The following FBN2 variants were observed in gnomAD, a reference collection of about 807,000 sequenced individuals.
The protein encoded by FBN2 is fibrillin 2.
FBN2 carries 105 observed loss-of-function variants against 355.6 expected under a neutral mutation model. The ratio of observed to expected loss-of-function variants is 0.30; its 90% CI spans 0.25 to 0.35. FBN2 has a LOEUF of 0.35. Among genes scored for constraint, FBN2 ranks in the 10% least tolerant of loss-of-function variants. The probability of loss-of-function intolerance (pLI) is 1.00; values close to 1 mark genes in which losing one functional copy is unlikely to be tolerated. For missense variants in FBN2, 3,280 were observed against 3,758.7 expected, an observed-to-expected ratio of 0.87 and a Z score of 3.33; for synonymous variants, 1,350 against 1,301.2, an observed-to-expected ratio of 1.04 and a Z score of -0.81.
intron 20 of FBN2, among the ~76,000 whole-genome samples, chr5:128,351,224 GAAA>G (rs5871304): frequency 2.1e-5 from 3 of 142,976 alleles, no homozygotes; most frequent in Admixed American, 1.4e-4. Context: ...TCCACCAGAG[GAAA>G]AAAAAAAAAA....
At chr5:128,293,483 C>T (rs1436614578) in intron 48 of FBN2, among the ~76,000 whole-genome samples, 3 of 151,538 alleles carry the variant, frequency 2.0e-5, no homozygotes, top group Non-Finnish European at 4.4e-5. Context: ...CAGAGCGAGA[C>T]TCCGTCTCAA....
chr5:128,499,227 A>T (rs567493599), intron 5 of FBN2, among the ~76,000 whole-genome samples: 40 of 152,348 alleles, frequency 2.6e-4, no homozygotes, highest in African/African-American at 9.1e-4. Context: ...ATAATCTAGT[A>T]GTAAATTATA....
intron 5 of FBN2, among the ~76,000 whole-genome samples, chr5:128,468,315 C>T (rs142994001): frequency 1.3e-5 from 2 of 152,260 alleles, no homozygotes; most frequent in East Asian, 3.9e-4. Context: ...TATGGCTGTA[C>T]TACATCTGTT....
chr5:128,419,738 GC>G (rs1753296948), intron 7 of FBN2, among the ~76,000 whole-genome samples: 1 of 152,050 alleles, frequency 6.6e-6, no homozygotes, highest in African/African-American at 2.4e-5. Flanking sequence ...TGTTGCCCGG[GC>G]TGGAGTGCAA....
intron 2 of FBN2, among the ~76,000 whole-genome samples, chr5:128,534,630 C>T (rs1030006068): frequency 1.3e-5 from 2 of 152,164 alleles, no homozygotes; most frequent in South Asian, 4.1e-4. Context: ...TCATAACCAT[C>T]CAAATATTTC....
chr5:128,289,360 G>C, intron 51 of FBN2, 108 bp from the exon 52 acceptor site: 4 of 1,098,904 alleles, frequency 3.6e-6, no homozygotes, highest in Non-Finnish European at 5.5e-6. Flanking sequence ...GAGGTGGGTG[G>C]ATCACCTGAG....
At chr5:128,535,428 C>T (rs1409212134) in intron 2 of FBN2, among the ~76,000 whole-genome samples, 2 of 152,136 alleles carry the variant, frequency 1.3e-5, no homozygotes, top group Non-Finnish European at 2.9e-5. Context: ...ATTATTTTCT[C>T]CCTGGAGAAC....
chr5:128,349,938 A>G lies in FBN2; in HGVS notation c.2863+17T>C, dbSNP rs764809678. 1 of 1,592,818 alleles carries G rather than the reference A, an allele frequency of 6.3e-7. No individual in the cohort carries two copies. On this transcript the variant is annotated intron_variant, in intron 22 of 64. Transcript: ENST00000262464. Reference sequence around the variant, plus strand: ...CTCAAAAGATGTATAGTATCTTCCAAGGAAGGATACACTCACCTTCACACG... The same window carrying G: ...CTCAAAAGATGTATAGTATCTTCCAGGGAAGGATACACTCACCTTCACACG...
Position 128,312,968 on chromosome 5 carries a change from T to C in FBN2, c.4718-173A>G, listed in dbSNP as rs569201615. ...GCTTTTCAGCTTTTTCGAGATTGAGTCAGAGGAAGCCAATCATGGCAGACT... is the reference window on the plus strand; with the variant it reads ...GCTTTTCAGCTTTTTCGAGATTGAGCCAGAGGAAGCCAATCATGGCAGACT... On this transcript the variant is annotated intron_variant, in intron 36 of 64. Transcript: ENST00000262464. Among the ~76,000 whole-genome samples, 27 of 152,282 alleles carry C rather than the reference T, an allele frequency of 1.8e-4. No individual in the cohort carries two copies. In the South Asian group the frequency reaches 5.4e-3, roughly 30 times the overall value.
At chr5:128,272,247 A>G in intron 61 of FBN2, 129 bp from the exon 62 acceptor site, 1 of 1,052,832 alleles carries the variant, frequency 9.5e-7, no homozygotes, top group East Asian at 2.6e-5. Context: ...ACACATAGAG[A>G]GGCTGTCATT....
At position 128,366,108 on chromosome 5, in the gene FBN2, CA is replaced by C. The variant is rs534051581; in HGVS notation, c.2302+268del. Among the ~76,000 whole-genome samples the C allele has an allele frequency of 2.6e-3, 385 of 150,634 alleles. 1 individual carries two copies. The highest frequency in any genetic ancestry group is 4.6e-3 in the Non-Finnish European group (309 of 67,396). On this transcript the variant is annotated intron_variant, in intron 17 of 64. Transcript: ENST00000262464. ...AATGTCACATTATTCTTTTCTTAAG[CA>C]ATGACTGACTGAAATCAGGAGAGTA...
chr5:128,463,220 A>G (rs1424751280), intron 6 of FBN2, among the ~76,000 whole-genome samples: 1 of 152,114 alleles, frequency 6.6e-6, no homozygotes, highest in East Asian at 1.9e-4. Context: ...GTAAAGACAG[A>G]TACAATATAA....
chr5:128,424,517 A>G (rs1390179809), intron 7 of FBN2, among the ~76,000 whole-genome samples: 1 of 152,162 alleles, frequency 6.6e-6, no homozygotes, highest in African/African-American at 2.4e-5. Flanking sequence ...CTGTCACATT[A>G]TATCATTATT....
intron 8 of FBN2, among the ~76,000 whole-genome samples, chr5:128,405,294 G>T (rs564282259): frequency 6.6e-6 from 1 of 152,120 alleles, no homozygotes; most frequent in African/African-American, 2.4e-5. Flanking sequence ...TCGGGCAGAG[G>T]GGGTACTGCT....
At chr5:128,429,514 A>G (rs1753566626) in intron 7 of FBN2, among the ~76,000 whole-genome samples, 1 of 152,224 alleles carries the variant, frequency 6.6e-6, no homozygotes. Context: ...ATTAATATGT[A>G]ATTAACTAGC....
At chr5:128,416,802 T>C (rs1228393685) in intron 7 of FBN2, among the ~76,000 whole-genome samples, 2 of 152,170 alleles carry the variant, frequency 1.3e-5, no homozygotes, top group East Asian at 3.8e-4. Context: ...ACTAGAGCCT[T>C]GTAATATATT....
At chr5:128,464,255 C>T (rs775360354) in intron 6 of FBN2, among the ~76,000 whole-genome samples, 5 of 152,068 alleles carry the variant, frequency 3.3e-5, no homozygotes, top group Non-Finnish European at 7.4e-5. Context: ...CAATCATAGA[C>T]AGAGTTCACA....
intron 22 of FBN2, 37 bp downstream of exon 22, chr5:128,349,918 A>T (rs564590503): frequency 2.5e-5 from 38 of 1,518,622 alleles, no homozygotes; most frequent in Non-Finnish European, 3.4e-5. Context: ...TACTGCTCAA[A>T]AGATGTATAG....
At position 128,291,518 on chromosome 5, in the gene FBN2, C is replaced by A. The variant is rs527877244; in HGVS notation, c.6292+11G>T. On this transcript the variant is annotated intron_variant, in intron 49 of 64. Coordinates refer to ENST00000262464, the MANE Select transcript of FBN2 (RefSeq NM_001999.4). ...CGTGAACTGTGACAGTGAAGTCATGCCAAATCTTACCAAAGCATCTCCGTC... is the reference window on the plus strand; with the variant it reads ...CGTGAACTGTGACAGTGAAGTCATGACAAATCTTACCAAAGCATCTCCGTC... The A allele has an allele frequency of 8.1e-6, 13 of 1,613,624 alleles. No individual in the cohort carries two copies. The highest frequency in any genetic ancestry group is 8.5e-6 in the Non-Finnish European group (10 of 1,179,788).
Sources: gnomAD v4.1 joint callset for allele counts (sites outside exome capture counted in the v4.1 genomes callset) on GRCh38, gnomAD v4.1.1 for gene constraint, MANE v1.5 for transcripts, NCBI Gene and HGNC (gene_info 2026-07-23, HGNC 2026-07-21) for gene names.